The following ANK3 variants were observed in gnomAD, a reference collection of about 807,000 sequenced individuals.
ANK3 encodes ankyrin-3.
ANK3 carries 57 observed loss-of-function variants against 370.9 expected under a neutral mutation model. The ratio of observed to expected loss-of-function variants is 0.15; its 90% CI spans 0.12 to 0.19. The LOEUF (loss-of-function observed/expected upper bound fraction) is 0.19, where lower values mean the gene tolerates loss of function less well. ANK3 is among the 10% of genes least tolerant of loss of function. ANK3 has a pLI of 1.00. For synonymous variants in ANK3, 1,929 were observed against 1,946.3 expected (o/e 0.99, Z 0.23); for missense variants, 4,439 against 5,302.1 (o/e 0.84, Z 5.06).
intron 1 of ANK3, among the ~76,000 whole-genome samples, chr10:60,640,961 T>A (rs1310525712): frequency 8.2e-6 from 1 of 121,696 alleles, no homozygotes; most frequent in Non-Finnish European, 1.7e-5. Flanking sequence ...TGTACAAAAA[T>A]CACAAGCATT....
intron 2 of ANK3, among the ~76,000 whole-genome samples, chr10:60,452,776 C>T (rs1316998822): frequency 6.6e-6 from 1 of 152,202 alleles, no homozygotes; most frequent in African/African-American, 2.4e-5. Context: ...TCTTACTTCT[C>T]ATTTGATTTC....
intron 16 of ANK3, among the ~76,000 whole-genome samples, chr10:60,189,289 T>C (rs2096419306): frequency 2.0e-5 from 3 of 152,122 alleles, no homozygotes; most frequent in Admixed American, 2.0e-4. Flanking sequence ...GCTCAGGAGC[T>C]CGAGACCACC....
intron 2 of ANK3, among the ~76,000 whole-genome samples, chr10:60,476,161 CAAAT>C (rs2075058559): frequency 6.6e-6 from 1 of 152,026 alleles, no homozygotes; most frequent in African/African-American, 2.4e-5. Flanking sequence ...AATAAAATAA[CAAAT>C]AAAGTATTTT....
rs762988253 is a variant in ANK3 at position 60,075,132 on chromosome 10, C to T, written c.5749G>A (p.Ala1917Thr). ...TCAGGCACATCTGTCTGTAGTATTG[C>T]GGTCATCCGCATTAGGTCCTCTTTC... ...EMKEDLMRMT[A>T]ILQTDVPEEK... The change falls in exon 37 of 44, where the codon GCA becomes ACA. Residue 1917 changes from alanine (A) to threonine (T), a missense_variant. Ala to Thr is a moderately conservative substitution (Grantham distance 58). Coordinates refer to ENST00000280772, the MANE Select transcript of ANK3 (RefSeq NM_020987.5). 6.2e-6 allele frequency: 10 copies of T among 1,614,100 alleles called. No homozygotes were observed. Among genetic ancestry groups the T allele is most frequent in the South Asian group, 3.3e-5 (3 of 91,088 alleles).
chr10:60,361,586 T>C (rs769657954), intron 1 of ANK3, among the ~76,000 whole-genome samples: 1 of 152,248 alleles, frequency 6.6e-6, no homozygotes. Context: ...TCAGTCACTT[T>C]ATTCAGTAAG....
At chr10:60,654,950 C>G (rs1243057520) in intron 1 of ANK3, among the ~76,000 whole-genome samples, 1 of 152,044 alleles carries the variant, frequency 6.6e-6, no homozygotes, top group Admixed American at 6.6e-5. Context: ...TTTAAGGGAG[C>G]TGAAAAACTC....
intron 1 of ANK3, among the ~76,000 whole-genome samples, chr10:60,681,361 CG>C (rs2079193043): frequency 1.3e-5 from 2 of 152,166 alleles, no homozygotes; most frequent in South Asian, 2.1e-4. Flanking sequence ...GGTGCCCTTG[CG>C]AATTTTTCCA....
chr10:60,591,357 C>T (rs1232767103), intron 2 of ANK3, among the ~76,000 whole-genome samples: 8 of 121,002 alleles, frequency 6.6e-5, no homozygotes, highest in African/African-American at 2.2e-4. Context: ...ATTTTTGTGG[C>T]AGAGTCTTGC....
intron 1 of ANK3, among the ~76,000 whole-genome samples, chr10:60,633,344 C>T (rs1217693943): frequency 1.3e-5 from 2 of 151,984 alleles, no homozygotes; most frequent in Non-Finnish European, 2.9e-5. Context: ...ACAAAGACTT[C>T]CTTAAAGTTA....
chr10:60,049,114 T>A (rs1396432411), intron 42 of ANK3, among the ~76,000 whole-genome samples: 1 of 152,254 alleles, frequency 6.6e-6, no homozygotes, highest in Non-Finnish European at 1.5e-5. Flanking sequence ...GTTTTTGTTA[T>A]ACCTATAGCT....
intron 2 of ANK3, among the ~76,000 whole-genome samples, chr10:60,606,014 TTC>T (rs1327667889): frequency 6.6e-6 from 1 of 152,172 alleles, no homozygotes; most frequent in Non-Finnish European, 1.5e-5. Flanking sequence ...TTTAATTTAT[TTC>T]TGTCTATAAA....
At chr10:60,444,056 T>G (rs1178439400) in intron 2 of ANK3, among the ~76,000 whole-genome samples, 1 of 152,078 alleles carries the variant, frequency 6.6e-6, no homozygotes, top group African/African-American at 2.4e-5. Context: ...GAATTTTCAT[T>G]AAAAAAACAT....
intron 2 of ANK3, among the ~76,000 whole-genome samples, chr10:60,602,817 T>C (rs2078082101): frequency 6.6e-6 from 1 of 152,184 alleles, no homozygotes; most frequent in South Asian, 2.1e-4. Context: ...ATACCTGGTG[T>C]TAGACCCTCT....
chr10:60,135,957 G>C (rs1226239145), intron 24 of ANK3, among the ~76,000 whole-genome samples: 1 of 151,540 alleles, frequency 6.6e-6, no homozygotes, highest in Non-Finnish European at 1.5e-5. Context: ...ATTATTTAAT[G>C]TATTCAGCAA....
chr10:60,520,856 C>T (rs1390884408), intron 2 of ANK3, among the ~76,000 whole-genome samples: 1 of 152,076 alleles, frequency 6.6e-6, no homozygotes, highest in Non-Finnish European at 1.5e-5. Context: ...ACCAATTATA[C>T]ACAGTGACAT....
intron 2 of ANK3, among the ~76,000 whole-genome samples, chr10:60,569,755 A>C (rs1015698799): frequency 6.6e-6 from 1 of 152,186 alleles, no homozygotes; most frequent in African/African-American, 2.4e-5. Context: ...CTCAACACCA[A>C]CACATAATTT....
intron 2 of ANK3, among the ~76,000 whole-genome samples, chr10:60,486,967 C>A (rs564902550): frequency 6.6e-6 from 1 of 152,080 alleles, no homozygotes; most frequent in East Asian, 1.9e-4. Flanking sequence ...TTAAATTCCA[C>A]GCTATTTATG....
intron 4 of ANK3, among the ~76,000 whole-genome samples, chr10:60,272,340 A>G (rs989439071): frequency 6.6e-6 from 1 of 152,190 alleles, no homozygotes; most frequent in African/African-American, 2.4e-5. Flanking sequence ...GGCCAAAACC[A>G]GTATGGCTTT....
At chr10:60,533,630 C>A (rs1041595653) in intron 2 of ANK3, among the ~76,000 whole-genome samples, 21 of 152,118 alleles carry the variant, frequency 1.4e-4, no homozygotes, top group African/African-American at 4.3e-4. Context: ...AGTTTCTGAC[C>A]CCATTATTTG....
Sources: allele counts gnomAD v4.1 joint callset (sites outside exome capture counted in the v4.1 genomes callset), GRCh38; gene constraint gnomAD v4.1.1; transcripts MANE v1.5; gene names NCBI Gene and HGNC (gene_info 2026-07-23, HGNC 2026-07-21).